PRKCE: variants seen among roughly 807,000 people sequenced by gnomAD.
PRKCE encodes the protein protein kinase C epsilon.
A neutral mutation model predicts 85.4 loss-of-function variants in PRKCE; 16 were observed. The observed-to-expected ratio is 0.19, with a 90% CI of 0.13 to 0.28. PRKCE has a LOEUF of 0.28. Ranked by LOEUF, PRKCE falls within the 10% of genes least tolerant of loss-of-function variation. The probability of loss-of-function intolerance (pLI) is 1.00; values close to 1 mark genes in which losing one functional copy is unlikely to be tolerated. For synonymous variants in PRKCE, 388 were observed against 371.5 expected (o/e 1.04, Z -0.51); for missense variants, 573 against 975.2 (o/e 0.59, Z 5.49).
chr2:45,684,141 T>C (rs922979199), intron 1 of PRKCE, among the ~76,000 whole-genome samples: 5 of 152,066 alleles, frequency 3.3e-5, no homozygotes, highest in African/African-American at 1.2e-4. Context: ...TTCAGAGAGG[T>C]GATGGTGTCT....
chr2:45,688,310 A>G (rs1677459535), intron 1 of PRKCE, among the ~76,000 whole-genome samples: 1 of 152,164 alleles, frequency 6.6e-6, no homozygotes, highest in African/African-American at 2.4e-5. Context: ...GTAAGATGTC[A>G]TGGCTGCTAA....
intron 3 of PRKCE, chr2:45,978,544 T>G (rs747119921): frequency 6.0e-6 from 1 of 166,916 alleles, no homozygotes; most frequent in Non-Finnish European, 1.3e-5. Context: ...CAGGGAAATA[T>G]ACCTGCCAGC....
At chr2:45,705,223 C>T (rs955143972) in intron 1 of PRKCE, among the ~76,000 whole-genome samples, 2 of 152,126 alleles carry the variant, frequency 1.3e-5, no homozygotes, top group Non-Finnish European at 2.9e-5. Context: ...TTCCGAGCAG[C>T]GCTAGGGGCC....
chr2:45,880,636 T>A (rs1694810653), intron 2 of PRKCE, among the ~76,000 whole-genome samples: 1 of 152,162 alleles, frequency 6.6e-6, no homozygotes, highest in Non-Finnish European at 1.5e-5. Context: ...AGGGAGTATA[T>A]GTATACCAAT....
At chr2:46,096,967 G>A (rs111703495) in intron 11 of PRKCE, among the ~76,000 whole-genome samples, 21,784 of 152,038 alleles carry the variant, frequency 0.14, 1,663 homozygotes, top group Middle Eastern at 0.22. Context: ...GTTGTTTAGG[G>A]GCTCGGCCAG....
At chr2:45,918,019 G>T (rs1019745238) in intron 2 of PRKCE, among the ~76,000 whole-genome samples, 1 of 152,234 alleles carries the variant, frequency 6.6e-6, no homozygotes, top group African/African-American at 2.4e-5. Context: ...TGGCCCGCTA[G>T]CGCCGCGCGC....
chr2:45,961,492 A>G (rs1242355436), intron 2 of PRKCE, among the ~76,000 whole-genome samples: 1 of 152,064 alleles, frequency 6.6e-6, no homozygotes, highest in Non-Finnish European at 1.5e-5. Context: ...AAGTCTTGTT[A>G]TTTGTTTGAG....
chr2:45,714,394 A>T (rs1377042655), intron 1 of PRKCE, among the ~76,000 whole-genome samples: 1 of 152,204 alleles, frequency 6.6e-6, no homozygotes, highest in African/African-American at 2.4e-5. Flanking sequence ...CTGAGTAAGG[A>T]AAGGGAAATA....
At chr2:45,744,461 C>CTCTTTCTTTCT (rs1558623391) in intron 1 of PRKCE, among the ~76,000 whole-genome samples, 8 of 56,438 alleles carry the variant, frequency 1.4e-4, no homozygotes, top group South Asian at 9.4e-4. Flanking sequence ...TTCTTTCTTT[C>CTCTTTCTTTCT]TTTCTTTCTT....
At chr2:45,990,836 A>G (rs1703735229) in intron 6 of PRKCE, among the ~76,000 whole-genome samples, 1 of 151,282 alleles carries the variant, frequency 6.6e-6, no homozygotes, top group African/African-American at 2.4e-5. Context: ...TAATTTTTGT[A>G]TTTTTAATAG....
chr2:45,708,643 C>T (rs934727522), intron 1 of PRKCE, among the ~76,000 whole-genome samples: 1 of 152,172 alleles, frequency 6.6e-6, no homozygotes. Context: ...TGTTAATTGC[C>T]CAGCCTCGGG....
chr2:45,886,525 C>T (rs990924295), intron 2 of PRKCE, among the ~76,000 whole-genome samples: 2 of 152,184 alleles, frequency 1.3e-5, no homozygotes, highest in African/African-American at 4.8e-5. Flanking sequence ...TAAACAGCAA[C>T]AGTAAAAACC....
chr2:45,995,420 TC>T (rs1704135849), intron 6 of PRKCE, among the ~76,000 whole-genome samples: 1 of 152,178 alleles, frequency 6.6e-6, no homozygotes, highest in African/African-American at 2.4e-5. Flanking sequence ...AAGAAAGTTA[TC>T]TGTGTAGCCA....
At chr2:45,886,062 C>T (rs1695277120) in intron 2 of PRKCE, among the ~76,000 whole-genome samples, 1 of 152,220 alleles carries the variant, frequency 6.6e-6, no homozygotes, top group African/African-American at 2.4e-5. Flanking sequence ...CCTCAAGAGG[C>T]CTACCTGGGC....
At chr2:45,687,194 A>G (rs1677363932) in intron 1 of PRKCE, among the ~76,000 whole-genome samples, 2 of 152,252 alleles carry the variant, frequency 1.3e-5, no homozygotes, top group South Asian at 2.1e-4. Context: ...AAGACAAACA[A>G]TGAATTGAAA....
At chr2:45,763,894 C>G (rs938081548) in intron 1 of PRKCE, among the ~76,000 whole-genome samples, 3 of 152,196 alleles carry the variant, frequency 2.0e-5, no homozygotes, top group Non-Finnish European at 4.4e-5. Context: ...TTTTGGTGGA[C>G]TCTTTCTTGT....
chr2:45,721,626 ACT>A (rs1680626675), intron 1 of PRKCE, among the ~76,000 whole-genome samples: 1 of 151,958 alleles, frequency 6.6e-6, no homozygotes, highest in South Asian at 2.1e-4. Flanking sequence ...AATCCCAGCG[ACT>A]CTGGAGGCTG....
chr2:45,694,139 A>C (rs147747956), intron 1 of PRKCE, among the ~76,000 whole-genome samples: 1 of 150,944 alleles, frequency 6.6e-6, no homozygotes, highest in African/African-American at 2.4e-5. Flanking sequence ...AGCTTCCCAT[A>C]GCTTCTTGTG....
intron 8 of PRKCE, among the ~76,000 whole-genome samples, chr2:46,005,900 C>T (rs1558949076): frequency 6.6e-6 from 1 of 152,300 alleles, no homozygotes; most frequent in African/African-American, 2.4e-5. Context: ...GGGGTTTTCA[C>T]GTGTTCCTTT....
Sources: allele counts gnomAD v4.1 joint callset (sites outside exome capture counted in the v4.1 genomes callset), GRCh38; gene constraint gnomAD v4.1.1; transcripts MANE v1.5; gene names NCBI Gene and HGNC (gene_info 2026-07-23, HGNC 2026-07-21).